WDR72: variants seen among roughly 807,000 people sequenced by gnomAD.
WDR72 encodes the protein WD repeat-containing protein 72.
A neutral mutation model predicts 124.2 loss-of-function variants in WDR72; 120 were observed. The ratio of observed to expected loss-of-function variants is 0.97; its 90% CI spans 0.83 to 1.12. The LOEUF (loss-of-function observed/expected upper bound fraction) is 1.12, where lower values mean the gene tolerates loss of function less well. Among genes scored for constraint, WDR72 ranks in the 50% most tolerant of loss-of-function variants. WDR72 has a pLI of 0.00. For missense variants in WDR72, 1,387 were observed against 1,278.8 expected (o/e 1.08, Z -1.29); for synonymous variants, 452 against 441.7 (o/e 1.02, Z -0.29).
At chr15:53,672,240 C>T (rs542475204) in intron 13 of WDR72, among the ~76,000 whole-genome samples, 1 of 148,626 alleles carries the variant, frequency 6.7e-6, no homozygotes, top group East Asian at 2.0e-4. Context: ...ATGTGGAGTT[C>T]CAGGTAGAGA....
chr15:53,620,490 C>T (rs774335677), intron 14 of WDR72, among the ~76,000 whole-genome samples: 3 of 151,748 alleles, frequency 2.0e-5, no homozygotes, highest in Non-Finnish European at 4.4e-5. Flanking sequence ...CAGAAATAAA[C>T]CTAAATACTT....
intron 18 of WDR72, among the ~76,000 whole-genome samples, chr15:53,543,740 C>A (rs1439102313): frequency 6.6e-6 from 1 of 151,876 alleles, no homozygotes; most frequent in Non-Finnish European, 1.5e-5. Flanking sequence ...AATTGATAGA[C>A]CGCTAGCAAG....
rs1891455146 is a variant in WDR72 at position 53,516,251 on chromosome 15, C to A, written c.*1448G>T. 1 of 152,106 alleles carries A rather than the reference C, an allele frequency of 6.6e-6. No homozygotes were observed. The highest frequency in any genetic ancestry group is 1.5e-5 in the Non-Finnish European group (1 of 67,984). 9.4% of individuals were successfully genotyped at this position (152,106 alleles called of 1,614,324 possible). On this transcript the variant is annotated 3_prime_UTR_variant, in exon 20 of 20. Transcript: ENST00000360509. ...GGAAACAAAGAATGCACACTTTAAT[C>A]TACTTTAAGGGAGTCACACTCATTT... is the stretch of plus-strand genomic sequence containing the variant.
At chr15:53,739,385 C>T (rs1281800904) in intron 1 of WDR72, among the ~76,000 whole-genome samples, 8 of 152,082 alleles carry the variant, frequency 5.3e-5, no homozygotes, top group Non-Finnish European at 1.0e-4. Context: ...CTCTAAGGCC[C>T]GGACAATTAC....
At chr15:53,609,254 C>A (rs541817294) in intron 17 of WDR72, among the ~76,000 whole-genome samples, 5 of 152,136 alleles carry the variant, frequency 3.3e-5, no homozygotes, top group Non-Finnish European at 7.3e-5. Context: ...CTGCTTCAAA[C>A]TGAAGCTTCA....
intron 18 of WDR72, among the ~76,000 whole-genome samples, chr15:53,528,432 A>AT (rs1892245188): frequency 6.6e-6 from 1 of 152,018 alleles, no homozygotes; most frequent in African/African-American, 2.4e-5. Context: ...ACTAATAACT[A>AT]TTTTACAGAC....
chr15:53,520,568 G>A (rs553757048), intron 19 of WDR72, among the ~76,000 whole-genome samples: 2 of 151,932 alleles, frequency 1.3e-5, no homozygotes, highest in South Asian at 2.1e-4. Context: ...CTTCTGGTTC[G>A]AGGACATTTT....
At chr15:53,537,500 GC>G (rs2140247313) in intron 18 of WDR72, among the ~76,000 whole-genome samples, 1 of 152,178 alleles carries the variant, frequency 6.6e-6, no homozygotes, top group East Asian at 1.9e-4. Context: ...TACAATCCTG[GC>G]TCATCTACAA....
chr15:53,743,843 T>C (rs867859534), intron 1 of WDR72, among the ~76,000 whole-genome samples: 13 of 151,878 alleles, frequency 8.6e-5, no homozygotes, highest in African/African-American at 2.4e-4. Context: ...GGCGTGGTGG[T>C]GGGCGCCTGT....
At chr15:53,702,753 G>T (rs1026432241) in intron 11 of WDR72, among the ~76,000 whole-genome samples, 8 of 152,078 alleles carry the variant, frequency 5.3e-5, no homozygotes, top group African/African-American at 1.7e-4. Context: ...CGCACCTATA[G>T]TCCCAGCTAC....
At chr15:53,636,425 C>G (rs1380202871) in intron 14 of WDR72, among the ~76,000 whole-genome samples, 2 of 152,128 alleles carry the variant, frequency 1.3e-5, no homozygotes, top group African/African-American at 4.8e-5. Context: ...AAACTACAAA[C>G]TAACTTCACT....
intron 14 of WDR72, among the ~76,000 whole-genome samples, chr15:53,638,070 C>T (rs1009993768): frequency 6.6e-6 from 1 of 152,136 alleles, no homozygotes. Context: ...ATAGTACTGA[C>T]CAATGAAAGC....
intron 18 of WDR72, among the ~76,000 whole-genome samples, chr15:53,565,843 A>G (rs1894277453): frequency 6.6e-6 from 1 of 151,958 alleles, no homozygotes; most frequent in Non-Finnish European, 1.5e-5. Context: ...AATGTTCTCC[A>G]CAGAGGCTGT....
chr15:53,698,549 G>A (rs60990047), intron 13 of WDR72, among the ~76,000 whole-genome samples: 6,780 of 152,224 alleles, frequency 0.045, 535 homozygotes, highest in African/African-American at 0.16. Flanking sequence ...CCATTTCATA[G>A]ATGAGGAGAT....
At chr15:53,594,902 G>C (rs2012698891) in intron 18 of WDR72, among the ~76,000 whole-genome samples, 1 of 148,866 alleles carries the variant, frequency 6.7e-6, no homozygotes, top group Admixed American at 6.9e-5. Flanking sequence ...TTTAAAATAA[G>C]CAATTTCTCA....
At chr15:53,694,520 T>C (rs1160571041) in intron 13 of WDR72, among the ~76,000 whole-genome samples, 1 of 152,158 alleles carries the variant, frequency 6.6e-6, no homozygotes, top group African/African-American at 2.4e-5. Flanking sequence ...GGAGATCTTA[T>C]AGCAGGCTTC....
chr15:53,539,412 G>C (rs138652349), intron 18 of WDR72, among the ~76,000 whole-genome samples: 13 of 152,150 alleles, frequency 8.5e-5, no homozygotes, highest in Non-Finnish European at 1.5e-4. Context: ...TGATCAGAGG[G>C]ATATGGAGAG....
intron 14 of WDR72, among the ~76,000 whole-genome samples, chr15:53,646,123 T>C (rs1445318461): frequency 6.6e-6 from 1 of 152,198 alleles, no homozygotes; most frequent in African/African-American, 2.4e-5. Flanking sequence ...TATCTCTGTA[T>C]GTCTATTTTT....
intron 18 of WDR72, among the ~76,000 whole-genome samples, chr15:53,553,269 A>C (rs1306167486): frequency 3.3e-5 from 5 of 152,188 alleles, no homozygotes; most frequent in Non-Finnish European, 7.3e-5. Flanking sequence ...TTTGAATAAT[A>C]AATGAGACCT....
Sources: gnomAD v4.1 joint callset for allele counts (sites outside exome capture counted in the v4.1 genomes callset) on GRCh38, gnomAD v4.1.1 for gene constraint, MANE v1.5 for transcripts, NCBI Gene and HGNC (gene_info 2026-07-23, HGNC 2026-07-21) for gene names.